The following PRKN variants were observed in gnomAD, a reference collection of about 807,000 sequenced individuals.
The protein encoded by PRKN is E3 ubiquitin-protein ligase parkin.
PRKN carries 56 observed loss-of-function variants against 59.5 expected under a neutral mutation model. The ratio of observed to expected loss-of-function variants is 0.94; its 90% confidence interval spans 0.76 to 1.18. The LOEUF (loss-of-function observed/expected upper bound fraction) is 1.18, where lower values mean the gene tolerates loss of function less well. Ranked by LOEUF, PRKN falls within the 50% of genes most tolerant of loss-of-function variation. The pLI, the probability that PRKN is intolerant of heterozygous loss-of-function variation, is 0.00. For synonymous variants in PRKN, 250 were observed against 222.1 expected (o/e 1.13, Z -1.12); for missense variants, 657 against 596.4 (o/e 1.10, Z -1.06).
At chr6:162,631,844 C>A (rs1401368147) in intron 1 of PRKN, among the ~76,000 whole-genome samples, 2 of 151,952 alleles carry the variant, frequency 1.3e-5, no homozygotes, top group South Asian at 2.1e-4. Context: ...AATCTTTGGT[C>A]CATTTTTAGT....
chr6:162,370,907 C>A (rs1785729733), intron 2 of PRKN, among the ~76,000 whole-genome samples: 1 of 152,136 alleles, frequency 6.6e-6, no homozygotes, highest in Non-Finnish European at 1.5e-5. Context: ...CATCATTGAA[C>A]AAATGGTACT....
chr6:161,967,854 G>A (rs1193273354), intron 6 of PRKN, among the ~76,000 whole-genome samples: 1 of 152,166 alleles, frequency 6.6e-6, no homozygotes, highest in African/African-American at 2.4e-5. Flanking sequence ...TGAGCCTTTA[G>A]ATAGTGCCCA....
chr6:161,905,130 T>C (rs1390887539), intron 6 of PRKN, among the ~76,000 whole-genome samples: 2 of 152,212 alleles, frequency 1.3e-5, no homozygotes, highest in Non-Finnish European at 2.9e-5. Context: ...CAGCTTTTTT[T>C]CAACTATACC....
chr6:161,522,566 C>T (rs1778869158), intron 9 of PRKN, among the ~76,000 whole-genome samples: 1 of 152,246 alleles, frequency 6.6e-6, no homozygotes, highest in Non-Finnish European at 1.5e-5. Flanking sequence ...ACACTGTCAT[C>T]TCAATTTAGG....
At position 162,307,219 on chromosome 6, in the gene PRKN, G is replaced by A. The variant is rs112387414; in HGVS notation, c.172-44454C>T. On this transcript the variant is annotated intron_variant, in intron 2 of 11. Transcript: ENST00000366898. ...GTTCGAGACCAGCCTGGCCAACATG[G>A]TGAAATCCCATCTCCACTAAAAATA... 7.6e-3 allele frequency among the ~76,000 whole-genome samples: 1,160 copies of A among 152,018 alleles called. 19 individuals carry two copies. The highest frequency in any genetic ancestry group is 0.027 in the African/African-American group (1,121 of 41,468).
intron 9 of PRKN, among the ~76,000 whole-genome samples, chr6:161,540,809 G>C (rs1441804564): frequency 2.0e-5 from 3 of 152,118 alleles, no homozygotes; most frequent in African/African-American, 7.2e-5. Context: ...AAGTCCTATA[G>C]GAAAGAAATT....
At chr6:162,516,696 G>A (rs1473193429) in intron 1 of PRKN, among the ~76,000 whole-genome samples, 1 of 151,638 alleles carries the variant, frequency 6.6e-6, no homozygotes, top group Admixed American at 6.6e-5. Flanking sequence ...TCGGGAGGTG[G>A]AGCTTGCAGT....
rs1291318352 is a variant in PRKN at position 161,462,700 on chromosome 6, G to A, written c.1084-75823C>T. ...ACTTGCTGAAAAATAAGCTGAATTC[G>A]TTGGGAATTGCTGCTAAAACATTCT... On this transcript the variant is annotated intron_variant, in intron 9 of 11. Coordinates refer to ENST00000366898, the MANE Select transcript of PRKN (RefSeq NM_004562.3). The surrounding 1 kb of genome is among the most constrained non-coding windows in gnomAD (Gnocchi z 4.5). 2.6e-5 allele frequency among the ~76,000 whole-genome samples: 4 copies of A among 152,124 alleles called. No homozygotes were observed. Among genetic ancestry groups the A allele is most frequent in the Non-Finnish European group, 4.4e-5 (3 of 68,014 alleles).
chr6:162,168,902 T>A (rs1219711610), intron 4 of PRKN, among the ~76,000 whole-genome samples: 2 of 152,196 alleles, frequency 1.3e-5, no homozygotes, highest in African/African-American at 4.8e-5. Context: ...ACATGCTATA[T>A]AAAAATGAAC....
At chr6:162,192,340 G>A (rs990130190) in intron 4 of PRKN, among the ~76,000 whole-genome samples, 1 of 149,394 alleles carries the variant, frequency 6.7e-6, no homozygotes, top group Non-Finnish European at 1.5e-5. Flanking sequence ...ATGCATATGT[G>A]AAATTAGAAA....
chr6:161,730,269 T>C lies in PRKN; in HGVS notation c.871+55503A>G, dbSNP rs574385119. 2.2e-3 allele frequency among the ~76,000 whole-genome samples: 331 copies of C among 150,884 alleles called. 20 individuals carry two copies. Among genetic ancestry groups the C allele is most frequent in the African/African-American group, 7.7e-3 (312 of 40,288 alleles). On this transcript the variant is annotated intron_variant, in intron 7 of 11. Transcript: ENST00000366898. ...CAGTCTGATGTGTTGCCCTCTGATA[T>C]GTTGCATTCTTTCAGATATGTTGCA... is the stretch of plus-strand genomic sequence containing the variant.
chr6:161,759,502 GTATTTCT>G (rs1789099696), intron 7 of PRKN, among the ~76,000 whole-genome samples: 1 of 3,888 alleles, frequency 2.6e-4, no homozygotes, highest in African/African-American at 5.2e-4. Context: ...TGTGTCTTCA[GTATTTCT>G]AGTATTTCTA....
At chr6:162,208,327 G>A (rs1306657182) in intron 3 of PRKN, among the ~76,000 whole-genome samples, 1 of 152,156 alleles carries the variant, frequency 6.6e-6, no homozygotes, top group Admixed American at 6.6e-5. Flanking sequence ...CATCCATCCA[G>A]TGAATGTACT....
intron 1 of PRKN, among the ~76,000 whole-genome samples, chr6:162,617,862 C>T (rs530667801): frequency 8.5e-5 from 13 of 152,080 alleles, no homozygotes; most frequent in Middle Eastern, 3.4e-3. Context: ...TTATTGAGCA[C>T]TTACTATATT....
intron 4 of PRKN, among the ~76,000 whole-genome samples, chr6:162,168,191 G>T (rs758375140): frequency 6.6e-6 from 1 of 152,000 alleles, no homozygotes; most frequent in Non-Finnish European, 1.5e-5. Flanking sequence ...CTTGTAAGAC[G>T]AATTTCTTTC....
intron 2 of PRKN, among the ~76,000 whole-genome samples, chr6:162,439,685 T>G (rs1235524098): frequency 2.2e-5 from 3 of 134,500 alleles, no homozygotes; most frequent in African/African-American, 9.4e-5. Flanking sequence ...CTCCCCCTCT[T>G]CCTCTTCCTC....
At chr6:162,647,494 T>G (rs1265311756) in intron 1 of PRKN, among the ~76,000 whole-genome samples, 2 of 152,044 alleles carry the variant, frequency 1.3e-5, no homozygotes, top group African/African-American at 4.8e-5. Flanking sequence ...TATGGAAAGG[T>G]CTTAACAGCC....
chr6:161,590,984 G>T (rs972139242), intron 7 of PRKN, among the ~76,000 whole-genome samples: 2 of 152,078 alleles, frequency 1.3e-5, no homozygotes, highest in Admixed American at 1.3e-4. Context: ...ATTTAAATAA[G>T]GTTTGTGTAA....
intron 1 of PRKN, among the ~76,000 whole-genome samples, chr6:162,482,404 A>G (rs554334078): frequency 1.7e-4 from 26 of 152,292 alleles, no homozygotes; most frequent in African/African-American, 3.4e-4. Context: ...GAAGGCATAC[A>G]AGAACCTCCA....
Sources: gnomAD v4.1 joint callset for allele counts (sites outside exome capture counted in the v4.1 genomes callset) on GRCh38, gnomAD v4.1.1 for gene constraint, Gnocchi (gnomAD v3.1) non-coding constraint, MANE v1.5 for transcripts, NCBI Gene and HGNC (gene_info 2026-07-23, HGNC 2026-07-21) for gene names.